The following CES3 variants were observed in gnomAD, a reference collection of about 807,000 sequenced individuals.
CES3 encodes the protein carboxylesterase 3 (brain).
Under a neutral mutation model 57.6 loss-of-function variants are expected in CES3, and 49 were observed. The observed-to-expected ratio is 0.85, with a 90% CI of 0.68 to 1.08. CES3 has a LOEUF of 1.08. Ranked by LOEUF, CES3 falls within the 50% of genes least tolerant of loss-of-function variation. The pLI, the probability that CES3 is intolerant of heterozygous loss-of-function variation, is 0.00. For synonymous variants in CES3, 266 were observed against 281.6 expected (o/e 0.94, Z 0.55); for missense variants, 645 against 742.0 (o/e 0.87, Z 1.52).
At chr16:66,971,107 CT>C in intron 9 of CES3, 64 bp from the exon 10 acceptor site, 1 of 1,532,764 alleles carries the variant, frequency 6.5e-7, no homozygotes, top group Non-Finnish European at 8.8e-7. Flanking sequence ...GAGTTTGGGG[CT>C]TCCTGGGATG....
At chr16:66,970,265 T>C (rs890984298) in intron 9 of CES3, among the ~76,000 whole-genome samples, 4 of 152,064 alleles carry the variant, frequency 2.6e-5, no homozygotes, top group Non-Finnish European at 1.5e-5. Flanking sequence ...CCTGCCACCA[T>C]GCCCGGCTAA....
chr16:66,966,105 G>A, intron 6 of CES3, 139 bp from the exon 7 acceptor site: 2 of 725,268 alleles, frequency 2.8e-6, no homozygotes, highest in South Asian at 3.5e-5. Flanking sequence ...GTGGTGACAA[G>A]TCTGTGACCA....
At position 66,966,281 on chromosome 16, in the gene CES3, C is replaced by T. The variant is rs567629196; in HGVS notation, c.857C>T (p.Pro286Leu). 42 of 1,613,764 alleles carry T rather than the reference C, an allele frequency of 2.6e-5. No individual in the cohort carries two copies. In the South Asian group the frequency reaches 2.9e-4, roughly 11 times the overall value. ...ANTLACSSSS[P>L]AEMVQCLQQK... ...ACCTTGGCCTGCAGCTCCAGCTCCC[C>T]GGCTGAGATGGTGCAGTGCCTTCAG... The change falls in exon 7 of 13, where the codon CCG becomes CTG. Residue 286 changes from proline to leucine, a missense_variant. Pro to Leu is a moderately conservative substitution (Grantham distance 98, BLOSUM62 -3). Transcript: ENST00000303334.
intron 8 of CES3, chr16:66,967,783 A>C: frequency 1.0e-6 from 1 of 981,036 alleles, no homozygotes; most frequent in African/African-American, 1.8e-5. Flanking sequence ...GTTTTTTGAG[A>C]CAGAGCCTCG....
chr16:66,973,121 C>T lies in CES3; in HGVS notation c.*72C>T, dbSNP rs761191818. 2.8e-4 allele frequency: 384 copies of T among 1,367,026 alleles called. 3 individuals are homozygous for T. Among genetic ancestry groups the T allele is most frequent in the Non-Finnish European group, 6.5e-5 (64 of 985,584 alleles). 84.7% of individuals were successfully genotyped at this position (1,367,026 alleles called of 1,614,324 possible). The stretch of plus-strand genomic sequence containing the variant: ...GTGGCAGAGTCCCAGCACGGCAGCC[C>T]GCCTCTCCCCCTGCTGAGACTTTAA... On this transcript the variant is annotated 3_prime_UTR_variant, in exon 13 of 13. Coordinates refer to ENST00000303334, the MANE Select transcript of CES3 (RefSeq NM_024922.6).
chr16:66,966,423 G>A, intron 7 of CES3, 78 bp downstream of exon 7: 1 of 1,415,480 alleles, frequency 7.1e-7, no homozygotes, highest in Non-Finnish European at 9.8e-7. Flanking sequence ...GAGCAGAGGG[G>A]CAGTCTACCC....
intron 6 of CES3, among the ~76,000 whole-genome samples, chr16:66,965,574 T>C (rs867065361): frequency 2.6e-5 from 4 of 152,198 alleles, no homozygotes; most frequent in African/African-American, 9.6e-5. Context: ...TTGACTCTTG[T>C]ATGGACAACA....
intron 10 of CES3, among the ~76,000 whole-genome samples, chr16:66,972,079 G>T (rs1447861270): frequency 6.6e-6 from 1 of 152,158 alleles, no homozygotes; most frequent in East Asian, 1.9e-4. Flanking sequence ...TCAGGCTGCA[G>T]TGAGCTGTGA....
chr16:66,968,309 C>T (rs563539362), intron 8 of CES3, among the ~76,000 whole-genome samples: 178 of 152,226 alleles, frequency 1.2e-3, no homozygotes, highest in African/African-American at 4.1e-3. Context: ...GGATTACAGG[C>T]ATCTGCCACC....
chr16:66,964,122 T>A (rs147493370), intron 4 of CES3, among the ~76,000 whole-genome samples, 187 bp downstream of exon 4: 25 of 152,340 alleles, frequency 1.6e-4, no homozygotes, highest in African/African-American at 5.5e-4. Flanking sequence ...GCCAGAATTA[T>A]ACAGTGAACT....
rs1963795952 is a variant in CES3, at chr16:66,969,684, G to A, written c.1068G>A (p.Trp356Ter). Residue 356 changes from tryptophan (W) to a stop codon, truncating the protein, a stop_gained, in exon 9 of 13, where the codon TGG becomes TGA. Coordinates refer to ENST00000303334, the MANE Select transcript of CES3 (RefSeq NM_024922.6). LOFTEE classifies it high-confidence loss of function. ...GGGCCTTGGTGTCCACACAGGGCTGGGGTCTCCTGGATACAATGGAGCAGA... is the reference window on the plus strand; with the variant it reads ...GGGCCTTGGTGTCCACACAGGGCTGAGGTCTCCTGGATACAATGGAGCAGA... ...HEFSWLIPRG[W>*]GLLDTMEQMS... The A allele has an allele frequency of 1.2e-6, 2 of 1,612,994 alleles. No homozygotes were observed. Among genetic ancestry groups the A allele is most frequent in the Admixed American group, 1.7e-5 (1 of 59,928 alleles).
In CES3 at chr16:66,963,755, A is replaced by G. The variant is rs768794433; in HGVS notation, c.427-47A>G. 4 of 1,608,980 alleles carry G rather than the reference A, an allele frequency of 2.5e-6. No homozygotes were observed. Among genetic ancestry groups the G allele is most frequent in the African/African-American group, 2.7e-5 (2 of 74,824 alleles). On this transcript the variant is annotated intron_variant, in intron 3 of 12. Coordinates refer to ENST00000303334, the MANE Select transcript of CES3 (RefSeq NM_024922.6). The surrounding 1 kb of genome is among the most constrained non-coding windows in gnomAD (Gnocchi z 4.9). ...TGCCTGGGCTGGCAGGTGGGCAGCT[A>G]AGGTCTCAGGAGCTTGGGGGTCAGT...
rs928196437 is a variant in CES3, at chr16:66,973,364, C to T, written c.*315C>T. On this transcript the variant is annotated 3_prime_UTR_variant, in exon 13 of 13. Transcript: ENST00000303334. The stretch of plus-strand genomic sequence containing the variant: ...CCTTCCCTGCCTTCTCTGGGCTGTG[C>T]GGCCCCGAGTCTGCGTCCATTAGAG... 11 of 288,996 alleles carry T rather than the reference C, an allele frequency of 3.8e-5. No homozygotes were observed. Among genetic ancestry groups the T allele is most frequent in the African/African-American group, 8.6e-5 (4 of 46,298 alleles). The allele number at this position is 288,996 out of a possible 1,614,324, so 17.9% of individuals were successfully genotyped here.
intron 7 of CES3, 179 bp from the exon 8 acceptor site, chr16:66,966,539 AGAAACTG>A (rs1260526190): frequency 1.2e-6 from 1 of 845,048 alleles, no homozygotes; most frequent in Non-Finnish European, 1.8e-6. Context: ...CTTCTAGGAA[AGAAACTG>A]GACGCATCTG....
intron 1 of CES3, among the ~76,000 whole-genome samples, chr16:66,962,158 C>T (rs897295993): frequency 6.6e-6 from 1 of 152,154 alleles, no homozygotes; most frequent in Non-Finnish European, 1.5e-5. Context: ...AAGGGGCTGT[C>T]CCCAGCCAGC....
chr16:66,966,909 C>A (rs756670359), intron 8 of CES3, 44 bp downstream of exon 8: 1 of 1,605,826 alleles, frequency 6.2e-7, no homozygotes, highest in Non-Finnish European at 8.5e-7. Flanking sequence ...CCTGCCCCAG[C>A]CAGTACCTGC....
intron 1 of CES3, among the ~76,000 whole-genome samples, chr16:66,961,806 C>T (rs1963655131): frequency 6.6e-6 from 1 of 152,170 alleles, no homozygotes; most frequent in East Asian, 1.9e-4. Context: ...TCAGGTGACC[C>T]ACCTGCCTCG....
chr16:66,965,919 G>A (rs971298481), intron 6 of CES3, among the ~76,000 whole-genome samples: 8 of 152,152 alleles, frequency 5.3e-5, no homozygotes, highest in Admixed American at 2.6e-4. Flanking sequence ...CAGCCTGGGC[G>A]ACAGAGCGAG....
In CES3 at chr16:66,963,069, A is replaced by G; in HGVS notation, c.83-110A>G. 8.6e-7 allele frequency: 1 copy of G among 1,163,378 alleles called. No individual in the cohort carries two copies. Among genetic ancestry groups the G allele is most frequent in the East Asian group, 2.5e-5 (1 of 40,006 alleles). 72.1% of individuals were successfully genotyped at this position (1,163,378 alleles called of 1,614,324 possible). A position where few individuals can be genotyped will look rare whatever the true frequency, so the allele number is the denominator to read the frequency against. On this transcript the variant is annotated intron_variant, in intron 1 of 12. Transcript: ENST00000303334. This position sits in a 1 kb window ranked among gnomAD's most constrained non-coding sequence, Gnocchi z 4.9. Reference sequence around the variant, plus strand: ...GGCTCACCGGCTTGCTGGGAAGGTTACCAAGATGCTGTGTGGTAAGTACTG... The same window carrying G: ...GGCTCACCGGCTTGCTGGGAAGGTTGCCAAGATGCTGTGTGGTAAGTACTG...
Sources: allele counts gnomAD v4.1 joint callset (sites outside exome capture counted in the v4.1 genomes callset), GRCh38; gene constraint gnomAD v4.1.1; non-coding constraint Gnocchi (gnomAD v3.1); transcripts MANE v1.5; gene names NCBI Gene and HGNC (gene_info 2026-07-23, HGNC 2026-07-21).